The following LAMC1 variants were observed in gnomAD, a reference collection of about 807,000 sequenced individuals.
LAMC1 encodes the protein laminin subunit gamma-1.
Under a neutral mutation model 173.6 loss-of-function variants are expected in LAMC1, and 38 were observed. The ratio of observed to expected loss-of-function variants is 0.22; its 90% confidence interval spans 0.17 to 0.29. The LOEUF (loss-of-function observed/expected upper bound fraction) is 0.29, where lower values mean the gene tolerates loss of function less well. LAMC1 is among the 10% of genes least tolerant of loss of function. The probability of loss-of-function intolerance (pLI) is 1.00; values close to 1 mark genes in which losing one functional copy is unlikely to be tolerated. For synonymous variants in LAMC1, 746 were observed against 749.1 expected (o/e 1.00, Z 0.07); for missense variants, 1,824 against 2,051.8 (o/e 0.89, Z 2.14).
At chr1:183,062,278 CAG>C (rs1444129421) in intron 1 of LAMC1, among the ~76,000 whole-genome samples, 1 of 152,132 alleles carries the variant, frequency 6.6e-6, no homozygotes, top group Non-Finnish European at 1.5e-5. Context: ...ATTTTCTTGT[CAG>C]AACATGATAA....
chr1:183,112,563 G>T (rs1656191026), intron 4 of LAMC1, among the ~76,000 whole-genome samples: 1 of 152,112 alleles, frequency 6.6e-6, no homozygotes, highest in Non-Finnish European at 1.5e-5. Context: ...TAATTGTCAG[G>T]ATGCTAGGGC....
chr1:183,133,650 G>T lies in LAMC1; in HGVS notation c.3849+100G>T, dbSNP rs1026097043. The T allele has an allele frequency of 1.9e-5, 22 of 1,180,520 alleles. No individual in the cohort carries two copies. The African/African-American group carries it at 2.8e-4, about 15-fold the overall frequency. 73.1% of individuals were successfully genotyped at this position (1,180,520 alleles called of 1,614,324 possible). ...CCTCCCTCTGTCCTCCCACTGACTC[G>T]CTGGTAAAGTTGAGTCTTATTTCAC... On this transcript the variant is annotated intron_variant, in intron 22 of 27. Transcript: ENST00000258341.
At chr1:183,101,793 T>C (rs1355980157) in intron 1 of LAMC1, among the ~76,000 whole-genome samples, 1 of 152,158 alleles carries the variant, frequency 6.6e-6, no homozygotes, top group African/African-American at 2.4e-5. Flanking sequence ...GCCACATGGC[T>C]TTATGTTGAA....
At chr1:183,132,338 A>G (rs1182699193) in intron 20 of LAMC1, 62 bp from the exon 21 acceptor site, 4 of 1,244,782 alleles carry the variant, frequency 3.2e-6, no homozygotes, top group Non-Finnish European at 4.5e-6. Context: ...CATTACCTGA[A>G]TTTTACTTAT....
chr1:183,099,568 A>G (rs900691082), intron 1 of LAMC1, among the ~76,000 whole-genome samples: 2 of 151,954 alleles, frequency 1.3e-5, no homozygotes, highest in African/African-American at 4.8e-5. Flanking sequence ...CTTCTGTGGC[A>G]TTTTTATTCT....
At chr1:183,092,043 G>C (rs1244142856) in intron 1 of LAMC1, among the ~76,000 whole-genome samples, 2 of 152,162 alleles carry the variant, frequency 1.3e-5, no homozygotes, top group Non-Finnish European at 2.9e-5. Flanking sequence ...AAAATGTTGG[G>C]GAGTTTGGGT....
At chr1:183,122,401 G>C in intron 13 of LAMC1, 150 bp downstream of exon 13, 1 of 715,736 alleles carries the variant, frequency 1.4e-6, no homozygotes, top group East Asian at 2.6e-5. Flanking sequence ...CACTCTCCTT[G>C]TTTCCTTCCA....
chr1:183,105,432 CA>C (rs5779153), intron 2 of LAMC1, among the ~76,000 whole-genome samples: 77,905 of 151,226 alleles, frequency 0.52, 20,688 homozygotes, highest in South Asian at 0.65. Flanking sequence ...ACAGTGTAGT[CA>C]GTAGAAAATG....
intron 3 of LAMC1, among the ~76,000 whole-genome samples, chr1:183,110,198 A>G (rs1328483580): frequency 6.6e-6 from 1 of 152,152 alleles, no homozygotes; most frequent in East Asian, 1.9e-4. Flanking sequence ...ATATTCTGCT[A>G]CCTCTTGACA....
chr1:183,113,918 G>A (rs1305491573), intron 4 of LAMC1, among the ~76,000 whole-genome samples: 1 of 152,174 alleles, frequency 6.6e-6, no homozygotes, highest in African/African-American at 2.4e-5. Context: ...ACTTGTATAT[G>A]AACAATTACC....
chr1:183,068,421 A>G (rs1654930006), intron 1 of LAMC1, among the ~76,000 whole-genome samples: 1 of 152,228 alleles, frequency 6.6e-6, no homozygotes, highest in African/African-American at 2.4e-5. Flanking sequence ...CATGAAGAAG[A>G]AAACCAAACC....
chr1:183,078,539 G>T (rs1655178558), intron 1 of LAMC1, among the ~76,000 whole-genome samples: 1 of 149,796 alleles, frequency 6.7e-6, no homozygotes, highest in African/African-American at 2.5e-5. Context: ...CCAAGATCAT[G>T]CCACTGCACT....
At chr1:183,040,838 C>T (rs751775491) in intron 1 of LAMC1, among the ~76,000 whole-genome samples, 5 of 152,230 alleles carry the variant, frequency 3.3e-5, no homozygotes, top group Non-Finnish European at 7.3e-5. Context: ...AAAGAGCATG[C>T]AGTCCAGTGG....
At chr1:183,051,465 T>C in intron 1 of LAMC1, among the ~76,000 whole-genome samples, 1 of 152,214 alleles carries the variant, frequency 6.6e-6, no homozygotes, top group East Asian at 1.9e-4. Flanking sequence ...GTCAATACCG[T>C]GTGGAGTACA....
intron 1 of LAMC1, among the ~76,000 whole-genome samples, chr1:183,053,277 A>G (rs958599859): frequency 6.6e-6 from 1 of 152,192 alleles, no homozygotes; most frequent in Non-Finnish European, 1.5e-5. Flanking sequence ...TATATTTTGT[A>G]TTGCCACCTA....
intron 6 of LAMC1, among the ~76,000 whole-genome samples, chr1:183,116,034 G>A (rs1204773209): frequency 6.6e-6 from 1 of 151,686 alleles, no homozygotes; most frequent in Non-Finnish European, 1.5e-5. Flanking sequence ...GGAGGCTGAG[G>A]CAGGAGAATG....
intron 1 of LAMC1, among the ~76,000 whole-genome samples, chr1:183,064,764 T>C (rs529246915): frequency 6.6e-6 from 1 of 152,358 alleles, no homozygotes; most frequent in East Asian, 1.9e-4. Context: ...TATGATACAT[T>C]TATATGATTA....
chr1:183,117,223 A>G, intron 8 of LAMC1, 97 bp from the exon 9 acceptor site: 5 of 1,329,782 alleles, frequency 3.8e-6, no homozygotes, highest in Non-Finnish European at 5.2e-6. Flanking sequence ...CTTTCTGTAT[A>G]CAAGGTGTGG....
intron 18 of LAMC1, 115 bp downstream of exon 18, chr1:183,128,865 C>A: frequency 6.4e-6 from 5 of 787,374 alleles, no homozygotes; most frequent in Non-Finnish European, 7.2e-6. Flanking sequence ...TTAAACTACT[C>A]ATAGATTATA....
Sources: gnomAD v4.1 joint callset for allele counts (sites outside exome capture counted in the v4.1 genomes callset) on GRCh38, gnomAD v4.1.1 for gene constraint, MANE v1.5 for transcripts, NCBI Gene and HGNC (gene_info 2026-07-23, HGNC 2026-07-21) for gene names.